The following LRCH2 variants were observed in gnomAD, a reference collection of about 807,000 sequenced individuals.
The protein encoded by LRCH2 is leucine-rich repeat and calponin homology domain-containing protein 2.
A neutral mutation model predicts 68.9 loss-of-function variants in LRCH2; 38 were observed. The ratio of observed to expected loss-of-function variants is 0.55; its 90% CI spans 0.43 to 0.72. The LOEUF is 0.72. Among genes scored for constraint, LRCH2 ranks in the 30% least tolerant of loss-of-function variants. The pLI is 0.00. For missense variants in LRCH2, 528 were observed against 572.9 expected, an observed-to-expected ratio of 0.92 and a Z score of 0.80; for synonymous variants, 191 against 208.1, an observed-to-expected ratio of 0.92 and a Z score of 0.71.
rs782083213 is a variant in LRCH2 at position 115,139,665 on chromosome X, G to A, written c.1696-9466C>T. Among the ~76,000 whole-genome samples the A allele has an allele frequency of 9.9e-5, 11 of 110,898 alleles. No homozygotes were observed. In the East Asian group the frequency reaches 2.6e-3, roughly 26 times the overall value. ...TACCCACAGTAGCCAGCAGTGCAGG[G>A]AGAGAAAGCCTGTATACTTGGGGGA... is the stretch of plus-strand genomic sequence containing the variant. On this transcript the variant is annotated intron_variant, in intron 14 of 20. Coordinates refer to ENST00000317135, the MANE Select transcript of LRCH2 (RefSeq NM_020871.4).
intron 11 of LRCH2, among the ~76,000 whole-genome samples, chrX:115,158,495 G>C (rs782697032): frequency 1.3e-4 from 14 of 111,932 alleles, no homozygotes; most frequent in Non-Finnish European, 1.9e-4. Flanking sequence ...AACAGGTAAT[G>C]TCCATAATTT....
intron 20 of LRCH2, among the ~76,000 whole-genome samples, chrX:115,116,680 T>C (rs1393016800): frequency 1.8e-5 from 2 of 111,071 alleles, no homozygotes; most frequent in African/African-American, 6.5e-5. Flanking sequence ...TATATCTCAA[T>C]AAAAATATTT....
At chrX:115,132,136 T>C (rs2072251142) in intron 14 of LRCH2, among the ~76,000 whole-genome samples, 1 of 112,102 alleles carries the variant, frequency 8.9e-6, no homozygotes. Context: ...TTTTGGTGTT[T>C]TAGTCATGAA....
chrX:115,159,475 G>A (rs782675322), intron 11 of LRCH2, among the ~76,000 whole-genome samples: 4 of 110,443 alleles, frequency 3.6e-5, no homozygotes, highest in Admixed American at 1.9e-4. Context: ...ATTCAGGCCC[G>A]GCGCGGTGGC....
At chrX:115,184,367 T>C (rs1010563348) in intron 3 of LRCH2, 44 bp downstream of exon 3, 2 of 979,975 alleles carry the variant, frequency 2.0e-6, no homozygotes, top group African/African-American at 2.0e-5. Context: ...AAAATGTAGA[T>C]ATATTACGCA....
rs2072594550 is a variant in LRCH2 at position 115,170,239 on chromosome X, A to G, written c.998+60T>C. 17 of 1,047,443 alleles carry G rather than the reference A, an allele frequency of 1.6e-5. No individual in the cohort carries two copies. In the South Asian group the frequency reaches 4.0e-4, roughly 24 times the overall value. 86.3% of individuals were successfully genotyped at this position (1,047,443 alleles called of 1,213,427 possible). On this transcript the variant is annotated intron_variant, in intron 6 of 20. Transcript: ENST00000317135. ...TTCGGAACACTCAAGATTAATAAGT[A>G]TATTTCATAAAAAGAGAAGACAGCA...
chrX:115,125,659 A>G lies in LRCH2; in HGVS notation c.1791+1184T>C, dbSNP rs961918287. 5.3e-5 allele frequency among the ~76,000 whole-genome samples: 5 copies of G among 95,224 alleles called. 1 individual carries two copies. The highest frequency in any genetic ancestry group is 8.2e-5 in the Non-Finnish European group (4 of 48,615). The allele number at this position is 95,224 out of a possible 115,157, so 82.7% of individuals were successfully genotyped here. A position where few individuals can be genotyped will look rare whatever the true frequency, so the allele number is the denominator to read the frequency against. ...TATATACATATATATATACACGTAT[A>G]TATATACGTATATATATATCAATGT... is the stretch of plus-strand genomic sequence containing the variant. On this transcript the variant is annotated intron_variant, in intron 16 of 20. Transcript: ENST00000317135.
chrX:115,200,874 T>A (rs1222074584), intron 1 of LRCH2, among the ~76,000 whole-genome samples: 1 of 110,877 alleles, frequency 9.0e-6, no homozygotes, highest in Admixed American at 9.6e-5. Flanking sequence ...CAGACCAATA[T>A]CCCTGATGAA....
rs782167532 is a variant in LRCH2 at position 115,165,438 on chromosome X, G to A, written c.1322C>T (p.Ser441Phe). ...FKGKEKCSEK[S>F]RKNEELGDEK... ...ATCTCCTAATTCTTCATTTTTCCGA[G>A]ATTTTTCAGAACATTTTTCTTTTCC... Residue 441 changes from serine to phenylalanine, a missense_variant, in exon 10 of 21, where the codon TCT becomes TTT. Transcript: ENST00000317135. 7.0e-5 allele frequency: 79 copies of A among 1,130,620 alleles called. No individual in the cohort carries two copies. The highest frequency in any genetic ancestry group is 9.1e-5 in the Non-Finnish European group (77 of 846,913). 93.2% of individuals were successfully genotyped at this position (1,130,620 alleles called of 1,213,427 possible).
chrX:115,190,858 G>A lies in LRCH2; in HGVS notation c.350-2488C>T, dbSNP rs1410376090. The A allele has an allele frequency of 5.4e-5, 62 of 1,154,126 alleles. No homozygotes were observed. Among genetic ancestry groups the A allele is most frequent in the Middle Eastern group, 2.3e-4 (1 of 4,263 alleles). On this transcript the variant is annotated intron_variant, in intron 1 of 20. Transcript: ENST00000317135. ...CTGCGGAGGAGGAGGCCGTTATGAG[G>A]AGTACCAAGGCCGCTCGCTGGATGC...
At chrX:115,217,553 T>C (rs1444223730) in intron 1 of LRCH2, among the ~76,000 whole-genome samples, 2 of 111,929 alleles carry the variant, frequency 1.8e-5, no homozygotes, top group African/African-American at 6.5e-5. Context: ...GCAAAGGACA[T>C]GAACTCATCC....
chrX:115,113,506 T>C (rs1405452394), intron 20 of LRCH2, among the ~76,000 whole-genome samples, 171 bp from the exon 21 acceptor site: 2 of 111,500 alleles, frequency 1.8e-5, no homozygotes, highest in African/African-American at 6.5e-5. Context: ...TCTTAATTTA[T>C]ACTAAGAAAA....
intron 1 of LRCH2, chrX:115,192,436 G>A (rs2072849418): frequency 1.7e-6 from 2 of 1,167,780 alleles, no homozygotes; most frequent in East Asian, 3.3e-5. Flanking sequence ...CGGCGACCAC[G>A]ACAGATCCAG....
chrX:115,135,710 A>G (rs2072284923), intron 14 of LRCH2, among the ~76,000 whole-genome samples: 1 of 111,590 alleles, frequency 9.0e-6, no homozygotes, highest in Non-Finnish European at 1.9e-5. Context: ...ATCGCATGCT[A>G]CAGAGAAATC....
At chrX:115,174,465 ATT>A (rs1367492920) in intron 5 of LRCH2, among the ~76,000 whole-genome samples, 1 of 107,781 alleles carries the variant, frequency 9.3e-6, no homozygotes, top group Non-Finnish European at 1.9e-5. Context: ...ATCACACAGC[ATT>A]TATCTTTCTG....
intron 14 of LRCH2, among the ~76,000 whole-genome samples, chrX:115,135,371 C>G (rs1320090164): frequency 1.8e-5 from 2 of 110,064 alleles, no homozygotes; most frequent in African/African-American, 6.6e-5. Flanking sequence ...TCAAGGGATC[C>G]ACCTACCTCA....
rs2147389336 is a variant in LRCH2, at chrX:115,165,963, T to G, written c.1087-11A>C. ...GTCATCATCTGATGGCTAAAAGGAA[T>G]AAGCAAAAAGTACAAATGAGGCATT... On this transcript the variant is annotated splice_polypyrimidine_tract_variant and intron_variant, in intron 7 of 20. Coordinates refer to ENST00000317135, the MANE Select transcript of LRCH2 (RefSeq NM_020871.4). The G allele has an allele frequency of 9.1e-7, 1 of 1,099,968 alleles. No individual in the cohort carries two copies. The highest frequency in any genetic ancestry group is 3.3e-5 in the East Asian group (1 of 30,489). 90.6% of individuals were successfully genotyped at this position (1,099,968 alleles called of 1,213,427 possible). A position where few individuals can be genotyped will look rare whatever the true frequency, so the allele number is the denominator to read the frequency against.
At chrX:115,159,871 TG>T (rs2072504860) in intron 11 of LRCH2, among the ~76,000 whole-genome samples, 1 of 111,473 alleles carries the variant, frequency 9.0e-6, no homozygotes, top group Admixed American at 9.6e-5. Flanking sequence ...TAAAACCTTA[TG>T]AGTTACCAAT....
At chrX:115,128,608 G>GA (rs1302039161) in intron 15 of LRCH2, among the ~76,000 whole-genome samples, 24 of 112,061 alleles carry the variant, frequency 2.1e-4, no homozygotes, top group African/African-American at 7.4e-4. Flanking sequence ...GTGAAATGGA[G>GA]AAAAAAGGAG....
Sources: allele counts gnomAD v4.1 joint callset (sites outside exome capture counted in the v4.1 genomes callset), GRCh38; gene constraint gnomAD v4.1.1; transcripts MANE v1.5; gene names NCBI Gene and HGNC (gene_info 2026-07-23, HGNC 2026-07-21).